The following CEP95 variants were observed in gnomAD, a reference collection of about 807,000 sequenced individuals.
The protein encoded by CEP95 is centrosomal protein 95, also known as centrosomal protein of 95 kDa.
Under a neutral mutation model 111.2 loss-of-function variants are expected in CEP95, and 98 were observed. That is an observed-to-expected ratio of 0.88 (90% CI 0.75 to 1.04). CEP95 has a LOEUF of 1.04. CEP95 is among the 50% of genes least tolerant of loss of function. CEP95 has a pLI of 0.00. For missense variants in CEP95, 1,027 were observed against 977.2 expected (o/e 1.05, Z -0.68); for synonymous variants, 323 against 327.1 (o/e 0.99, Z 0.14).
At chr17:64,533,321 G>T in intron 16 of CEP95, 130 bp downstream of exon 16, 1 of 718,004 alleles carries the variant, frequency 1.4e-6, no homozygotes, top group Non-Finnish European at 2.2e-6. Context: ...TGTTGCCTAG[G>T]TCTTTAACCA....
rs199726407 is a variant in CEP95, at chr17:64,531,975, C to T, written c.1625C>T (p.Thr542Met). 9.3e-5 allele frequency: 149 copies of T among 1,610,514 alleles called. No individual in the cohort carries two copies. Among genetic ancestry groups the T allele is most frequent in the African/African-American group, 3.7e-4 (28 of 74,738 alleles). The change falls in exon 14 of 20, where the codon ACG becomes ATG. Residue 542 changes from threonine to methionine, a missense_variant. Coordinates refer to ENST00000556440, the MANE Select transcript of CEP95 (RefSeq NM_138363.3). ...AAGATTTACTCTAGAAAAACCACAA[C>T]GCAGAGTCTAAGAGGTGGCCTCCCA... Reference protein sequence around the residue: ...PWKIYSRKTTTQSLRGGLPKP... With the variant: ...PWKIYSRKTTMQSLRGGLPKP...
intron 17 of CEP95, 27 bp from the exon 18 acceptor site, chr17:64,536,575 C>G (rs781938631): frequency 1.3e-6 from 2 of 1,562,054 alleles, no homozygotes. Flanking sequence ...TCCTCAATGA[C>G]TATTTTTACG....
chr17:64,532,912 A>C lies in CEP95; in HGVS notation c.1746A>C (p.Thr582=). The change falls in exon 15 of 20, where the codon ACA becomes ACC. Residue 582 remains threonine, a synonymous_variant. Transcript: ENST00000556440. ...CGTTTCTTTATGTTTCTGGCCCAACACTAAGCAAAATGTGGAAACAGCAAA... is the reference window on the plus strand; with the variant it reads ...CGTTTCTTTATGTTTCTGGCCCAACCCTAAGCAAAATGTGGAAACAGCAAA... ...QFPFLYVSGP[T]LSKMWKQQIA... 1.9e-6 allele frequency: 3 copies of C among 1,613,902 alleles called. No homozygotes were observed. The highest frequency in any genetic ancestry group is 2.5e-6 in the Non-Finnish European group (3 of 1,179,862).
chr17:64,524,700 C>T (rs1415721209), intron 8 of CEP95, among the ~76,000 whole-genome samples: 5 of 152,030 alleles, frequency 3.3e-5, no homozygotes, highest in South Asian at 2.1e-4. Context: ...TGGCCGGGTG[C>T]GGTGGCTCAC....
chr17:64,521,564 G>C, intron 7 of CEP95, 37 bp downstream of exon 7: 1 of 1,590,566 alleles, frequency 6.3e-7, no homozygotes, highest in South Asian at 1.1e-5. Context: ...TACTGCTGAT[G>C]ATCATTCTTG....
intron 2 of CEP95, among the ~76,000 whole-genome samples, 194 bp from the exon 3 acceptor site, chr17:64,509,979 A>G (rs558934284): frequency 2.7e-4 from 41 of 152,312 alleles, no homozygotes; most frequent in African/African-American, 9.4e-4. Flanking sequence ...CGGTTCAATC[A>G]ATAAATACTC....
chr17:64,519,424 C>G lies in CEP95; in HGVS notation c.577C>G (p.Leu193Val). Reference protein sequence around the residue: ...RLGDTAHTFSLRSNGAQCPNE... With the variant: ...RLGDTAHTFSVRSNGAQCPNE... ...TGGAGACACAGCACACACCTTTTCT[C>G]TAAGAAGTAATGGTGAGTAGTTAAA... The change falls in exon 6 of 20, where the codon CTA becomes GTA. Residue 193 changes from leucine to valine, a missense_variant. Physicochemically the swap from Leu to Val is conservative, Grantham distance 32. Coordinates refer to ENST00000556440, the MANE Select transcript of CEP95 (RefSeq NM_138363.3). The G allele has an allele frequency of 6.2e-7, 1 of 1,610,270 alleles. No individual in the cohort carries two copies. The highest frequency in any genetic ancestry group is 8.5e-7 in the Non-Finnish European group (1 of 1,176,598).
At chr17:64,508,769 A>G (rs2038724782) in intron 2 of CEP95, 49 bp downstream of exon 2, 1 of 979,900 alleles carries the variant, frequency 1.0e-6, no homozygotes, top group Non-Finnish European at 1.4e-6. Flanking sequence ...TTAGGCCAAA[A>G]GTTTTTAGTC....
In CEP95 at chr17:64,533,204, C is replaced by T. The variant is rs1968410869; in HGVS notation, c.1917+13C>T. On this transcript the variant is annotated intron_variant, in intron 16 of 19. Transcript: ENST00000556440. ...TAACAAGAGACTGGTATGTCAAGAG[C>T]AAGTTGGGTATTATAATTCTGAATT... 6.4e-7 allele frequency: 1 copy of T among 1,569,220 alleles called. No homozygotes were observed. Among genetic ancestry groups the T allele is most frequent in the Admixed American group, 2.1e-5 (1 of 47,114 alleles).
At chr17:64,537,133 C>A in intron 19 of CEP95, 21 bp downstream of exon 19, 1 of 1,606,806 alleles carries the variant, frequency 6.2e-7, no homozygotes, top group Non-Finnish European at 8.5e-7. Flanking sequence ...AGATAGAAGC[C>A]AAGTCATGCA....
chr17:64,530,708 A>G (rs868990928), intron 12 of CEP95, among the ~76,000 whole-genome samples: 2 of 151,998 alleles, frequency 1.3e-5, no homozygotes, highest in Non-Finnish European at 1.5e-5. Flanking sequence ...GGGTTTCTCC[A>G]TGTTGGTCAG....
In CEP95 at chr17:64,534,617, G is replaced by T. The variant is rs550794457; in HGVS notation, c.1950G>T (p.Arg650Ser). 1.9e-6 allele frequency: 3 copies of T among 1,611,634 alleles called. No homozygotes were observed. The South Asian group carries it at 3.3e-5, about 18-fold the overall frequency. ...TCAAGGACTGCATTCGTAGGCAAAGGTTGACCCAATCAAAGATAAAAGAAA... is the reference window on the plus strand; with the variant it reads ...TCAAGGACTGCATTCGTAGGCAAAGTTTGACCCAATCAAAGATAAAAGAAA... ...QDFKDCIRRQ[R>S]LTQSKIKENR... The change falls in exon 17 of 20, where the codon AGG (arginine) becomes AGT (serine). Residue 650 changes from arginine to serine, a missense_variant. By Grantham distance (110) the Arg-to-Ser change is moderately radical. Coordinates refer to ENST00000556440, the MANE Select transcript of CEP95 (RefSeq NM_138363.3).
chr17:64,533,757 C>T (rs1396799921), intron 16 of CEP95, among the ~76,000 whole-genome samples: 4 of 152,088 alleles, frequency 2.6e-5, no homozygotes, highest in Non-Finnish European at 5.9e-5. Flanking sequence ...GTAACTTGCC[C>T]TGGGTCTCAC....
At chr17:64,527,041 T>C in intron 10 of CEP95, 70 bp from the exon 11 acceptor site, 2 of 1,295,452 alleles carry the variant, frequency 1.5e-6, no homozygotes, top group Non-Finnish European at 2.2e-6. Context: ...TTTTTAAAGG[T>C]CTGCCTACTC....
intron 14 of CEP95, chr17:64,532,483 C>A: frequency 6.1e-6 from 6 of 985,418 alleles, no homozygotes; most frequent in Non-Finnish European, 7.2e-6. Context: ...CCCTCCTACT[C>A]TATCCTTTAG....
chr17:64,507,604 C>A (rs527691193), intron 1 of CEP95: 68 of 1,001,800 alleles, frequency 6.8e-5, no homozygotes, highest in Non-Finnish European at 8.0e-5. Flanking sequence ...GAGTCATGGG[C>A]TTTGTCTAGC....
chr17:64,528,303 T>G (rs1339610043), intron 11 of CEP95, among the ~76,000 whole-genome samples: 1 of 152,208 alleles, frequency 6.6e-6, no homozygotes, highest in African/African-American at 2.4e-5. Flanking sequence ...ACTTTTTCAG[T>G]TGTTTTTTAC....
chr17:64,530,481 TA>T (rs1555680030), intron 12 of CEP95, among the ~76,000 whole-genome samples: 1 of 150,200 alleles, frequency 6.7e-6, no homozygotes, highest in South Asian at 2.1e-4. Context: ...GCAGGTATCC[TA>T]GGTGAATTTT....
chr17:64,519,622 A>G (rs1012094931), intron 6 of CEP95, among the ~76,000 whole-genome samples, 186 bp downstream of exon 6: 5 of 152,236 alleles, frequency 3.3e-5, no homozygotes, highest in Non-Finnish European at 7.3e-5. Flanking sequence ...ATATGGGCAG[A>G]TAAGTCCAAG....
Sources: gnomAD v4.1 joint callset for allele counts (sites outside exome capture counted in the v4.1 genomes callset) on GRCh38, gnomAD v4.1.1 for gene constraint, MANE v1.5 for transcripts, NCBI Gene and HGNC (gene_info 2026-07-23, HGNC 2026-07-21) for gene names.